Variants in GANC observed in about 807,000 individuals in gnomAD.
GANC encodes the protein glucosidase alpha, neutral C, also known as neutral alpha-glucosidase C.
Under a neutral mutation model 124.2 loss-of-function variants are expected in GANC, and 117 were observed. That is an observed-to-expected ratio of 0.94 (90% confidence interval 0.81 to 1.10). The LOEUF is 1.10. Ranked by LOEUF, GANC falls within the 50% of genes least tolerant of loss-of-function variation. The pLI is 0.00. For synonymous variants in GANC, 377 were observed against 376.8 expected (o/e 1.00, Z -0.01); for missense variants, 1,140 against 1,095.0 (o/e 1.04, Z -0.58).
chr15:42,274,613 C>G, intron 1 of GANC, 103 bp downstream of exon 1: 1 of 1,148,348 alleles, frequency 8.7e-7, no homozygotes, highest in South Asian at 1.5e-5. Flanking sequence ...ATTTGCTGAC[C>G]TTTATCTTTT....
intron 18 of GANC, 54 bp from the exon 19 acceptor site, chr15:42,343,024 G>T: frequency 6.8e-7 from 1 of 1,476,830 alleles, no homozygotes; most frequent in South Asian, 1.1e-5. Flanking sequence ...AGAGAAAGGA[G>T]ATTTTTAGAC....
intron 18 of GANC, among the ~76,000 whole-genome samples, chr15:42,341,959 T>C (rs1208938141): frequency 6.6e-6 from 1 of 152,216 alleles, no homozygotes; most frequent in Non-Finnish European, 1.5e-5. Flanking sequence ...CTGGTTTCCT[T>C]ATACCTTATT....
At position 42,345,791 on chromosome 15, in the gene GANC, G is replaced by A. The variant is rs752116392; in HGVS notation, c.2263G>A (p.Glu755Lys). Reference protein sequence around the residue: ...WYDYKTFAHWEGGCTVKIPVA... With the variant: ...WYDYKTFAHWKGGCTVKIPVA... Reference sequence around the variant, plus strand: ...TGACTATAAGACATTTGCTCATTGGGAAGGAGGGTGTACTGTAAAGATCCC... The same window carrying A: ...TGACTATAAGACATTTGCTCATTGGAAAGGAGGGTGTACTGTAAAGATCCC... Residue 755 changes from glutamate to lysine, a missense_variant, in exon 20 of 24, where the codon GAA becomes AAA. Physicochemically the swap from Glu to Lys is moderately conservative, Grantham distance 56. Coordinates refer to ENST00000318010, the MANE Select transcript of GANC (RefSeq NM_198141.3). 1.9e-6 allele frequency: 3 copies of A among 1,612,632 alleles called. No individual in the cohort carries two copies. Among genetic ancestry groups the A allele is most frequent in the South Asian group, 2.2e-5 (2 of 91,030 alleles).
In GANC at chr15:42,353,320, C is replaced by G; in HGVS notation, c.*1181C>G. 1 of 986,260 alleles carries G rather than the reference C, an allele frequency of 1.0e-6. No homozygotes were observed. Among genetic ancestry groups the G allele is most frequent in the Non-Finnish European group, 1.2e-6 (1 of 830,216 alleles). 61.1% of individuals were successfully genotyped at this position (986,260 alleles called of 1,614,324 possible). ...ACCTCTGTGCCTTCTGATCCCTGGGCGCCAATATCCTCCTGCCCTTACCAT... is the reference window on the plus strand; with the variant it reads ...ACCTCTGTGCCTTCTGATCCCTGGGGGCCAATATCCTCCTGCCCTTACCAT... On this transcript the variant is annotated 3_prime_UTR_variant, in exon 24 of 24. Transcript: ENST00000318010.
At chr15:42,327,995 A>G (rs376115335) in intron 13 of GANC, among the ~76,000 whole-genome samples, 3 of 152,202 alleles carry the variant, frequency 2.0e-5, no homozygotes, top group Admixed American at 1.3e-4. Flanking sequence ...GGATGACTTC[A>G]TGTGCATCAT....
At chr15:42,301,203 A>G (rs902024612) in intron 6 of GANC, among the ~76,000 whole-genome samples, 2 of 152,094 alleles carry the variant, frequency 1.3e-5, no homozygotes, top group African/African-American at 4.8e-5. Context: ...GGTGCAGCCC[A>G]TGGAGGGCGA....
At chr15:42,326,515 G>A in intron 12 of GANC, 91 bp downstream of exon 12, 1 of 1,581,706 alleles carries the variant, frequency 6.3e-7, no homozygotes, top group Non-Finnish European at 8.6e-7. Context: ...CCTTGTAGAT[G>A]TCTCTTGCTC....
rs1296236644 is a variant in GANC at position 42,339,774 on chromosome 15, C to A, written c.1949C>A (p.Thr650Asn). ...TTCCGTGGCCATGCCACCATGAACA[C>A]CAAGCGACGAGAGCCCTGGCTCTTT... ...PFFRGHATMNTKRREPWLFGE... is the reference protein window; with the variant it reads ...PFFRGHATMNNKRREPWLFGE... The change falls in exon 17 of 24, where the codon ACC becomes AAC. Residue 650 changes from threonine (T) to asparagine (N), a missense_variant. Transcript: ENST00000318010. 1 of 1,614,178 alleles carries A rather than the reference C, an allele frequency of 6.2e-7. No homozygotes were observed. Among genetic ancestry groups the A allele is most frequent in the Admixed American group, 1.7e-5 (1 of 60,026 alleles).
intron 10 of GANC, chr15:42,313,875 T>C: frequency 1.7e-6 from 1 of 573,698 alleles, no homozygotes; most frequent in Non-Finnish European, 3.1e-6. Context: ...TCTGCCTTGC[T>C]TCCCAGAGAA....
At chr15:42,312,084 G>C (rs893867647) in intron 10 of GANC, among the ~76,000 whole-genome samples, 1 of 152,178 alleles carries the variant, frequency 6.6e-6, no homozygotes, top group Non-Finnish European at 1.5e-5. Context: ...GCAATGTTAA[G>C]ATGGCAGTAA....
In GANC at chr15:42,308,330, C is replaced by T; in HGVS notation, c.722+12C>T. ...CTTAAAAATACTGGGTAAGTGAAAA[C>T]AAGAATTCTTATGGGAGTCTCTGGT... On this transcript the variant is annotated intron_variant, in intron 8 of 23. Coordinates refer to ENST00000318010, the MANE Select transcript of GANC (RefSeq NM_198141.3). 3 of 1,546,600 alleles carry T rather than the reference C, an allele frequency of 1.9e-6. No homozygotes were observed. Among genetic ancestry groups the T allele is most frequent in the Non-Finnish European group, 2.7e-6 (3 of 1,120,904 alleles).
intron 4 of GANC, among the ~76,000 whole-genome samples, chr15:42,289,465 A>G (rs921845852): frequency 3.9e-5 from 6 of 152,222 alleles, no homozygotes; most frequent in African/African-American, 1.4e-4. Context: ...ATTCCTGGAC[A>G]TGCAGCCTGG....
rs529059520 is a variant in GANC, at chr15:42,274,297, A to T, written c.-185A>T. On this transcript the variant is annotated 5_prime_UTR_variant, in exon 1 of 24. Transcript: ENST00000318010. ...TTGTAGAAACGCTAGTTTGGGCCTGAAAAATTCCAGGAGCAAGAGTCAAGA... is the reference window on the plus strand; with the variant it reads ...TTGTAGAAACGCTAGTTTGGGCCTGTAAAATTCCAGGAGCAAGAGTCAAGA... The T allele has an allele frequency of 3.2e-5, 21 of 658,224 alleles. 1 individual carries two copies. The South Asian group carries it at 3.5e-4, about 11-fold the overall frequency. 40.8% of individuals were successfully genotyped at this position (658,224 alleles called of 1,614,324 possible). A position where few individuals can be genotyped will look rare whatever the true frequency, so the allele number is the denominator to read the frequency against.
intron 14 of GANC, 81 bp from the exon 15 acceptor site, chr15:42,330,495 T>C: frequency 1.1e-6 from 1 of 937,416 alleles, no homozygotes; most frequent in Non-Finnish European, 1.7e-6. Context: ...ACTGTTTGCT[T>C]TTTGTATGTT....
intron 22 of GANC, among the ~76,000 whole-genome samples, chr15:42,350,876 A>C (rs1032797628): frequency 5.9e-5 from 8 of 135,792 alleles, no homozygotes; most frequent in African/African-American, 2.2e-4. Flanking sequence ...TATTATTATT[A>C]TTATTATTAT....
rs1217220544 is a variant in GANC, at chr15:42,273,451, C to T, written c.-1031C>T. 2 of 1,607,498 alleles carry T rather than the reference C, an allele frequency of 1.2e-6. No homozygotes were observed. The highest frequency in any genetic ancestry group is 1.7e-5 in the Admixed American group (1 of 59,862). On this transcript the variant is annotated 5_prime_UTR_variant, in exon 1 of 24. Coordinates refer to ENST00000318010, the MANE Select transcript of GANC (RefSeq NM_198141.3). ...AGCATTTCACCCTCTTCCGGTTCGT[C>T]CCGCCTTCTTCCGGCTCTGCTCTAA...
At chr15:42,304,039 C>T (rs369620430) in intron 6 of GANC, among the ~76,000 whole-genome samples, 1 of 152,182 alleles carries the variant, frequency 6.6e-6, no homozygotes, top group African/African-American at 2.4e-5. Context: ...CACCCTAAAT[C>T]AATAGAATGT....
intron 13 of GANC, among the ~76,000 whole-genome samples, chr15:42,328,478 A>C (rs2052213986): frequency 1.3e-5 from 2 of 151,738 alleles, no homozygotes; most frequent in Admixed American, 1.3e-4. Flanking sequence ...TATACATAGA[A>C]GAACACACAT....
Position 42,310,469 on chromosome 15 carries a change from C to T in GANC, c.903+6C>T. ...ATACAGAGCCTGCAGTAGAGGTGAG[C>T]TATTTATCATGGCTACATGTCATAC... On this transcript the variant is annotated splice_donor_region_variant and intron_variant, in intron 9 of 23. Coordinates refer to ENST00000318010, the MANE Select transcript of GANC (RefSeq NM_198141.3). 2 of 1,587,754 alleles carry T rather than the reference C, an allele frequency of 1.3e-6. No homozygotes were observed. Among genetic ancestry groups the T allele is most frequent in the Non-Finnish European group, 1.7e-6 (2 of 1,164,584 alleles).
Sources: allele counts gnomAD v4.1 joint callset (sites outside exome capture counted in the v4.1 genomes callset), GRCh38; gene constraint gnomAD v4.1.1; transcripts MANE v1.5; gene names NCBI Gene and HGNC (gene_info 2026-07-23, HGNC 2026-07-21).